The following ARHGAP30 variants were observed in gnomAD, a reference collection of about 807,000 sequenced individuals.
The protein encoded by ARHGAP30 is rho GTPase-activating protein 30.
A neutral mutation model predicts 72.0 loss-of-function variants in ARHGAP30; 23 were observed. The observed-to-expected ratio is 0.32, with a 90% confidence interval of 0.23 to 0.45. ARHGAP30 has a LOEUF of 0.45. Ranked by LOEUF, ARHGAP30 falls within the 20% of genes least tolerant of loss-of-function variation. ARHGAP30 has a pLI of 1.00. For synonymous variants in ARHGAP30, 576 were observed against 528.2 expected (o/e 1.09, Z -1.24); for missense variants, 1,319 against 1,383.4 (o/e 0.95, Z 0.74).
At chr1:161,052,029 AC>A (rs60840323) in intron 9 of ARHGAP30, among the ~76,000 whole-genome samples, 13,459 of 80,246 alleles carry the variant, frequency 0.17, 3,671 homozygotes, top group South Asian at 0.2. Context: ...CACCACCACC[AC>A]CACCACCACC....
chr1:161,059,295 C>G (rs1011548918), intron 2 of ARHGAP30, among the ~76,000 whole-genome samples: 15 of 151,398 alleles, frequency 9.9e-5, no homozygotes, highest in African/African-American at 3.6e-4. Context: ...TCCCAGAGTG[C>G]TGAGATTACA....
In ARHGAP30 at chr1:161,048,005, C is replaced by G; in HGVS notation, c.3016G>C (p.Asp1006His). The G allele has an allele frequency of 6.2e-7, 1 of 1,614,160 alleles. No individual in the cohort carries two copies. The highest frequency in any genetic ancestry group is 1.1e-5 in the South Asian group (1 of 91,076). Residue 1006 changes from aspartate (D) to histidine (H), a missense_variant, in exon 12 of 12, where the codon GAC (aspartate) becomes CAC (histidine). Physicochemically the swap from Asp to His is moderately conservative, Grantham distance 81. Transcript: ENST00000368013. The stretch of plus-strand genomic sequence containing the variant: ...CCTTGAGCCTCAGTCCTTTGGCGGT[C>G]CCGGGCTAGGGCCACAGCAGCATCA... The part of the protein sequence containing the change: ...SFDAAVALAR[D>H]RQRTEAQGVR...
intron 2 of ARHGAP30, among the ~76,000 whole-genome samples, chr1:161,057,563 A>G (rs1651969376): frequency 6.6e-6 from 1 of 151,746 alleles, no homozygotes. Context: ...GCTTGAGCCT[A>G]GGAGGTAGAG....
In ARHGAP30 at chr1:161,052,038, ACCACCACCACCACC is replaced by A. The variant is rs1651433924; in HGVS notation, c.1018+234_1018+247del. Among the ~76,000 whole-genome samples, 16 of 50,336 alleles carry A rather than the reference ACCACCACCACCACC, an allele frequency of 3.2e-4. 2 individuals are homozygous for A. The highest frequency in any genetic ancestry group is 8.5e-4 in the Admixed American group (4 of 4,730). The allele number at this position is 50,336 out of a possible 152,430, so 33.0% of individuals were successfully genotyped here. On this transcript the variant is annotated intron_variant, in intron 9 of 11. Coordinates refer to ENST00000368013, the MANE Select transcript of ARHGAP30 (RefSeq NM_001025598.2). ...CACCACCACCACCACCACCACCACC[ACCACCACCACCACC>A]ACCACCACATACCCATGCTGTCCCA...
chr1:161,056,271 TG>T, intron 3 of ARHGAP30, 116 bp downstream of exon 3: 1 of 1,393,314 alleles, frequency 7.2e-7, no homozygotes, highest in Non-Finnish European at 9.6e-7. Flanking sequence ...AGTTTTTCTG[TG>T]GTCTCTGTCA....
chr1:161,054,502 A>G (rs780930606), intron 4 of ARHGAP30, 29 bp from the exon 5 acceptor site: 2 of 1,608,662 alleles, frequency 1.2e-6, no homozygotes, highest in South Asian at 2.2e-5. Flanking sequence ...GGGATCACAC[A>G]GGGAATGCCC....
chr1:161,062,067 GACAGAGCAA>G (rs1055457410), intron 1 of ARHGAP30, among the ~76,000 whole-genome samples: 4 of 152,012 alleles, frequency 2.6e-5, no homozygotes, highest in African/African-American at 4.8e-5. Flanking sequence ...CAGCTTTAAT[GACAGAGCAA>G]GACTCGGTCT....
At chr1:161,060,674 G>T (rs192343591) in intron 1 of ARHGAP30, among the ~76,000 whole-genome samples, 30 of 149,194 alleles carry the variant, frequency 2.0e-4, no homozygotes, top group African/African-American at 7.1e-4. Context: ...CAATCTGGTT[G>T]GTAGGGGAGG....
chr1:161,064,793 A>AAGAG (rs775106810), intron 1 of ARHGAP30, among the ~76,000 whole-genome samples: 3 of 67,432 alleles, frequency 4.4e-5, no homozygotes, highest in African/African-American at 1.7e-4. Flanking sequence ...GAAAGAAAGA[A>AAGAG]AGAAAGAAAG....
intron 3 of ARHGAP30, 147 bp from the exon 4 acceptor site, chr1:161,054,852 G>T: frequency 1.4e-6 from 1 of 708,070 alleles, no homozygotes; most frequent in Middle Eastern, 2.7e-4. Context: ...CACTGACTTG[G>T]TAGAGAGAGC....
At chr1:161,062,266 A>G (rs1652364600) in intron 1 of ARHGAP30, among the ~76,000 whole-genome samples, 1 of 152,028 alleles carries the variant, frequency 6.6e-6, no homozygotes, top group Non-Finnish European at 1.5e-5. Context: ...AAACTCCTCA[A>G]CCTGGTATAT....
At chr1:161,062,792 CTATAT>C (rs1414213425) in intron 1 of ARHGAP30, among the ~76,000 whole-genome samples, 1 of 151,496 alleles carries the variant, frequency 6.6e-6, no homozygotes, top group East Asian at 1.9e-4. Flanking sequence ...TTTCTTATAT[CTATAT>C]TATAATTCGC....
chr1:161,053,701 T>G (rs1357064940), intron 5 of ARHGAP30, among the ~76,000 whole-genome samples: 1 of 152,182 alleles, frequency 6.6e-6, no homozygotes, highest in Non-Finnish European at 1.5e-5. Flanking sequence ...TCATAGTCTG[T>G]CTTGGACCAC....
At position 161,054,346 on chromosome 1, in the gene ARHGAP30, C is replaced by T. The variant is rs1651672235; in HGVS notation, c.536+20G>A. 1.2e-6 allele frequency: 2 copies of T among 1,607,750 alleles called. No homozygotes were observed. The highest frequency in any genetic ancestry group is 1.3e-5 in the African/African-American group (1 of 74,858). On this transcript the variant is annotated intron_variant, in intron 5 of 11. Transcript: ENST00000368013. ...CAGTGTCTCACAGGATCCCCATACACTGCTCACACAGGCACCTACCTCAGC... is the reference window on the plus strand; with the variant it reads ...CAGTGTCTCACAGGATCCCCATACATTGCTCACACAGGCACCTACCTCAGC...
chr1:161,051,826 G>A (rs563858633), intron 9 of ARHGAP30, 111 bp from the exon 10 acceptor site: 15 of 1,437,136 alleles, frequency 1.0e-5, no homozygotes, highest in Middle Eastern at 2.5e-4. Context: ...TGAAAGCAAC[G>A]ATAGCCTGGA....
rs1477194041 is a variant in ARHGAP30, at chr1:161,046,998, T to C, written c.*717A>G. On this transcript the variant is annotated 3_prime_UTR_variant, in exon 12 of 12. Transcript: ENST00000368013. ...CATTGACCTTCACTAGAGTGGGACC[T>C]GTGGCCCCAGCCTGGCTGGAGAAGC... 1 of 470,174 alleles carries C rather than the reference T, an allele frequency of 2.1e-6. No individual in the cohort carries two copies. The highest frequency in any genetic ancestry group is 4.4e-6 in the Non-Finnish European group (1 of 226,734). The allele number at this position is 470,174 out of a possible 1,614,324, so 29.1% of individuals were successfully genotyped here. A position where few individuals can be genotyped will look rare whatever the true frequency, so the allele number is the denominator to read the frequency against.
Position 161,065,164 on chromosome 1 carries a change from T to TG in ARHGAP30, c.97+4363dup, listed in dbSNP as rs1196347116. Among the ~76,000 whole-genome samples, 7 of 152,290 alleles carry TG rather than the reference T, an allele frequency of 4.6e-5. No homozygotes were observed. The East Asian group carries it at 5.8e-4, about 13-fold the overall frequency. On this transcript the variant is annotated intron_variant, in intron 1 of 11. Transcript: ENST00000368013. ...TAATTTTTATGTTATTTAGTAGGGA[T>TG]GGGGTCTCACCATGTTGGCCAGGCT...
At chr1:161,060,430 T>C (rs1189931052) in intron 1 of ARHGAP30, among the ~76,000 whole-genome samples, 1 of 151,810 alleles carries the variant, frequency 6.6e-6, no homozygotes, top group Non-Finnish European at 1.5e-5. Flanking sequence ...ACCCCATCTC[T>C]ACTAAAAACT....
At chr1:161,052,151 A>G (rs1007226111) in intron 9 of ARHGAP30, 135 bp downstream of exon 9, 2 of 901,112 alleles carry the variant, frequency 2.2e-6, no homozygotes, top group East Asian at 2.5e-5. Flanking sequence ...TACATTTACA[A>G]TGTGGCTGGT....
Sources: gnomAD v4.1 joint callset for allele counts (sites outside exome capture counted in the v4.1 genomes callset) on GRCh38, gnomAD v4.1.1 for gene constraint, MANE v1.5 for transcripts, NCBI Gene and HGNC (gene_info 2026-07-23, HGNC 2026-07-21) for gene names.